The following JARID2 variants were observed in gnomAD, a reference collection of about 807,000 sequenced individuals.
The protein encoded by JARID2 is protein Jumonji.
JARID2 carries 21 observed loss-of-function variants against 125.6 expected under a neutral mutation model. The observed-to-expected ratio is 0.17, with a 90% CI of 0.12 to 0.24. The LOEUF (loss-of-function observed/expected upper bound fraction) is 0.24, where lower values mean the gene tolerates loss of function less well. Ranked by LOEUF, JARID2 falls within the 10% of genes least tolerant of loss-of-function variation. JARID2 has a pLI of 1.00. For missense variants in JARID2, 1,303 were observed against 1,639.6 expected, an observed-to-expected ratio of 0.79 and a Z score of 3.55; for synonymous variants, 736 against 661.6, an observed-to-expected ratio of 1.11 and a Z score of -1.73.
At chr6:15,293,656 C>CCTCCTA (rs1282788367) in intron 1 of JARID2, among the ~76,000 whole-genome samples, 1 of 152,192 alleles carries the variant, frequency 6.6e-6, no homozygotes, top group Non-Finnish European at 1.5e-5. Flanking sequence ...CCTCTCTTGA[C>CCTCCTA]CTCCTAAGAA....
At chr6:15,327,132 TC>T (rs1762557079) in intron 1 of JARID2, among the ~76,000 whole-genome samples, 1 of 152,202 alleles carries the variant, frequency 6.6e-6, no homozygotes, top group South Asian at 2.1e-4. Flanking sequence ...TTCTCCCCTT[TC>T]TCTTACTCTG....
intron 17 of JARID2, among the ~76,000 whole-genome samples, chr6:15,518,272 G>C (rs1256370785): frequency 6.6e-6 from 1 of 152,200 alleles, no homozygotes; most frequent in East Asian, 1.9e-4. Context: ...AGCGCTCTGT[G>C]AATCATGGGT....
At chr6:15,505,347 GT>G (rs35966561) in intron 9 of JARID2, 50,072 of 139,596 alleles carry the variant, frequency 0.36, 8,853 homozygotes, top group East Asian at 0.62. Context: ...CTTTTGCTGT[GT>G]TTTTTTTTTT....
intron 1 of JARID2, among the ~76,000 whole-genome samples, chr6:15,270,546 T>C (rs1760257039): frequency 6.6e-6 from 1 of 152,348 alleles, no homozygotes; most frequent in East Asian, 1.9e-4. Context: ...AGGGTTATGA[T>C]TGCGAGTCAT....
At chr6:15,252,686 C>T (rs1416950350) in intron 1 of JARID2, among the ~76,000 whole-genome samples, 2 of 152,172 alleles carry the variant, frequency 1.3e-5, no homozygotes, top group Admixed American at 1.3e-4. Context: ...CATTTTAAAT[C>T]CTTAAGCCTT....
intron 15 of JARID2, 58 bp downstream of exon 15, chr6:15,513,103 C>T (rs966508650): frequency 2.3e-5 from 37 of 1,608,424 alleles, no homozygotes; most frequent in Non-Finnish European, 2.9e-5. Context: ...TTCGGGGGCT[C>T]ACCCCCCGAG....
chr6:15,463,837 A>G (rs1388031647), intron 4 of JARID2, among the ~76,000 whole-genome samples: 2 of 152,186 alleles, frequency 1.3e-5, no homozygotes, highest in Non-Finnish European at 2.9e-5. Flanking sequence ...GAAATATGCA[A>G]TAGTTTTCTC....
intron 3 of JARID2, among the ~76,000 whole-genome samples, chr6:15,445,125 T>TCCA (rs1491386187): frequency 1.2e-4 from 19 of 152,206 alleles, no homozygotes; most frequent in African/African-American, 4.6e-4. Context: ...AACTCTACAC[T>TCCA]GTTGATGACC....
intron 1 of JARID2, among the ~76,000 whole-genome samples, chr6:15,316,426 G>A (rs1762182203): frequency 6.6e-6 from 1 of 152,210 alleles, no homozygotes; most frequent in South Asian, 2.1e-4. Context: ...GAGGTGGCCA[G>A]TTAGGAGTGT....
At chr6:15,251,074 C>A (rs769492176) in intron 1 of JARID2, among the ~76,000 whole-genome samples, 2 of 152,028 alleles carry the variant, frequency 1.3e-5, no homozygotes, top group African/African-American at 2.4e-5. Context: ...GGCTGGAACG[C>A]AGTGGTTCCT....
At chr6:15,415,499 C>T (rs915306219) in intron 3 of JARID2, among the ~76,000 whole-genome samples, 5 of 150,282 alleles carry the variant, frequency 3.3e-5, no homozygotes, top group Admixed American at 6.6e-5. Context: ...AGGGGCTCCT[C>T]ACTTCCCAGT....
chr6:15,505,051 T>G (rs1156584321), intron 9 of JARID2: 1 of 162,218 alleles, frequency 6.2e-6, no homozygotes, highest in Admixed American at 5.9e-5. Flanking sequence ...TTTGAGTTAG[T>G]ATGAGGTTGG....
At chr6:15,272,743 C>T (rs896558623) in intron 1 of JARID2, among the ~76,000 whole-genome samples, 2 of 152,186 alleles carry the variant, frequency 1.3e-5, no homozygotes, top group Admixed American at 1.3e-4. Flanking sequence ...TGAAGCCTGC[C>T]TCTGTCACAA....
chr6:15,403,701 T>C lies in JARID2; in HGVS notation c.182-6523T>C, dbSNP rs969136409. On this transcript the variant is annotated intron_variant, in intron 2 of 17. Transcript: ENST00000341776. Reference sequence around the variant, plus strand: ...TAACGCTTTCTCAAAAAATTGTGCATGCAAAAGAGGTGTAGATTGTTGAAG... The same window carrying C: ...TAACGCTTTCTCAAAAAATTGTGCACGCAAAAGAGGTGTAGATTGTTGAAG... Among the ~76,000 whole-genome samples the C allele has an allele frequency of 2.0e-5, 3 of 152,292 alleles. No homozygotes were observed. The South Asian group carries it at 6.2e-4, about 32-fold the overall frequency.
chr6:15,401,140 T>C, intron 2 of JARID2: 1 of 1,227,352 alleles, frequency 8.1e-7, no homozygotes, highest in Non-Finnish European at 1.1e-6. Context: ...AAATCCATTG[T>C]GGATGGCAAG....
chr6:15,496,912 T>C lies in JARID2; in HGVS notation c.1687T>C (p.Ser563Pro). The C allele has an allele frequency of 6.2e-7, 1 of 1,601,510 alleles. No individual in the cohort carries two copies. Among genetic ancestry groups the C allele is most frequent in the Non-Finnish European group, 8.5e-7 (1 of 1,171,466 alleles). Residue 563 changes from serine to proline, a missense_variant, in exon 7 of 18, where the codon TCC (serine) becomes CCC (proline). Ser to Pro is a moderately conservative substitution (Grantham distance 74, BLOSUM62 -1). Around this residue, in one of 11 missense-constraint regions of JARID2, gnomAD observed 651 missense variants for 581.6 expected, o/e 1.12. Coordinates refer to ENST00000341776, the MANE Select transcript of JARID2 (RefSeq NM_004973.4). ...AMDEIPVLRP[S>P]AKEFHDPLIY... ...GGACGAGATCCCCGTCCTCAGGCCC[T>C]CCGCCAAGGAGTTCCACGATCCGCT...
intron 5 of JARID2, among the ~76,000 whole-genome samples, chr6:15,469,406 C>G (rs1173916803): frequency 1.9e-5 from 2 of 106,806 alleles, no homozygotes; most frequent in Non-Finnish European, 3.8e-5. Flanking sequence ...CCCCCTCTCC[C>G]CCTCTCCGCT....
At chr6:15,497,223 C>G in intron 7 of JARID2, 53 bp downstream of exon 7, 2 of 1,295,724 alleles carry the variant, frequency 1.5e-6, no homozygotes, top group South Asian at 1.5e-5. Context: ...GCCCCCAGAT[C>G]CCTGCAGTTC....
intron 3 of JARID2, among the ~76,000 whole-genome samples, chr6:15,423,715 G>A (rs1581543099): frequency 6.6e-6 from 1 of 152,250 alleles, no homozygotes. Flanking sequence ...TCCTTGGTAT[G>A]GGATATCTGT....
Sources: gnomAD v4.1 joint callset for allele counts (sites outside exome capture counted in the v4.1 genomes callset) on GRCh38, gnomAD v4.1.1 for gene constraint, gnomAD v4.1.1 regional missense constraint, MANE v1.5 for transcripts, NCBI Gene and HGNC (gene_info 2026-07-23, HGNC 2026-07-21) for gene names.